HCN1: variants seen among roughly 807,000 people sequenced by gnomAD.
HCN1 encodes the protein potassium/sodium hyperpolarization-activated cyclic nucleotide-gated channel 1.
HCN1 carries 13 observed loss-of-function variants against 78.9 expected under a neutral mutation model. That is an observed-to-expected ratio of 0.16 (90% CI 0.11 to 0.26). The LOEUF (loss-of-function observed/expected upper bound fraction) is 0.26, where lower values mean the gene tolerates loss of function less well. HCN1 is among the 10% of genes least tolerant of loss of function. HCN1 has a pLI of 1.00. For synonymous variants in HCN1, 552 were observed against 455.5 expected (o/e 1.21, Z -2.70); for missense variants, 810 against 1,154.3 (o/e 0.70, Z 4.32).
intron 2 of HCN1, among the ~76,000 whole-genome samples, chr5:45,508,575 A>G (rs1742352881): frequency 6.6e-6 from 1 of 152,134 alleles, no homozygotes; most frequent in Non-Finnish European, 1.5e-5. Flanking sequence ...GACAAAGGGT[A>G]TGTCCTACTT....
chr5:45,659,909 A>G (rs1427513257), intron 1 of HCN1, among the ~76,000 whole-genome samples: 24 of 144,194 alleles, frequency 1.7e-4, no homozygotes, highest in Non-Finnish European at 3.2e-4. Flanking sequence ...AACTTCCCCA[A>G]TCTAGCAAGG....
chr5:45,347,215 C>A (rs946522622), intron 5 of HCN1, among the ~76,000 whole-genome samples: 2 of 152,206 alleles, frequency 1.3e-5, no homozygotes, highest in East Asian at 3.9e-4. Context: ...TCACGAAAAT[C>A]TGCTGTTCTG....
intron 4 of HCN1, among the ~76,000 whole-genome samples, chr5:45,386,302 A>C (rs898147457): frequency 6.6e-6 from 1 of 151,420 alleles, no homozygotes; most frequent in Non-Finnish European, 1.5e-5. Flanking sequence ...CAGACTCCTG[A>C]GTAGCTGGGA....
intron 5 of HCN1, among the ~76,000 whole-genome samples, chr5:45,342,855 G>A (rs1173455893): frequency 1.3e-5 from 2 of 152,044 alleles, no homozygotes; most frequent in Non-Finnish European, 2.9e-5. Flanking sequence ...TAGACGAAAT[G>A]TTCCTTGCAC....
chr5:45,409,341 C>T (rs1739984397), intron 3 of HCN1, among the ~76,000 whole-genome samples: 1 of 151,864 alleles, frequency 6.6e-6, no homozygotes, highest in Non-Finnish European at 1.5e-5. Context: ...ATACATAAAT[C>T]ATGAAAAATT....
intron 1 of HCN1, among the ~76,000 whole-genome samples, chr5:45,659,352 GA>G (rs1186622003): frequency 8.6e-6 from 1 of 116,090 alleles, no homozygotes; most frequent in African/African-American, 3.9e-5. Flanking sequence ...CAAAGATGGG[GA>G]AAAAACAGAA....
intron 6 of HCN1, among the ~76,000 whole-genome samples, chr5:45,279,381 C>A (rs907402083): frequency 6.6e-6 from 1 of 152,026 alleles, no homozygotes; most frequent in Non-Finnish European, 1.5e-5. Flanking sequence ...AAACCGTGTT[C>A]AAAGAAGCCT....
At chr5:45,341,588 G>C (rs1042306930) in intron 5 of HCN1, among the ~76,000 whole-genome samples, 4 of 152,158 alleles carry the variant, frequency 2.6e-5, no homozygotes, top group African/African-American at 7.2e-5. Flanking sequence ...AAGTGGTCCA[G>C]TCAAAGCAAA....
intron 7 of HCN1, among the ~76,000 whole-genome samples, chr5:45,263,355 CA>C (rs368525608): frequency 0.012 from 1,799 of 146,558 alleles, 22 homozygotes; most frequent in African/African-American, 0.035. Context: ...CCCAGGAAAA[CA>C]AAAAAAAAAC....
intron 3 of HCN1, among the ~76,000 whole-genome samples, chr5:45,419,389 A>G (rs1740182890): frequency 6.6e-6 from 1 of 152,188 alleles, no homozygotes; most frequent in South Asian, 2.1e-4. Context: ...TGTGCTAATT[A>G]GAAACCTAAA....
chr5:45,607,116 A>G (rs1300516981), intron 2 of HCN1, among the ~76,000 whole-genome samples: 2 of 151,898 alleles, frequency 1.3e-5, no homozygotes, highest in African/African-American at 2.4e-5. Flanking sequence ...AGGTAAAGAC[A>G]TATTTTGGAA....
intron 2 of HCN1, among the ~76,000 whole-genome samples, chr5:45,641,073 C>T (rs1745446742): frequency 6.6e-6 from 1 of 152,082 alleles, no homozygotes; most frequent in Non-Finnish European, 1.5e-5. Flanking sequence ...ATGTGATAAG[C>T]AATAGGGAGC....
intron 4 of HCN1, among the ~76,000 whole-genome samples, chr5:45,375,259 T>C (rs1747593970): frequency 8.5e-6 from 1 of 117,966 alleles, no homozygotes; most frequent in African/African-American, 3.4e-5. Context: ...CATAATATAA[T>C]ATTTTATAAT....
chr5:45,636,210 C>CGTTCAACT (rs1264380516), intron 2 of HCN1, among the ~76,000 whole-genome samples: 2 of 152,028 alleles, frequency 1.3e-5, no homozygotes, highest in Admixed American at 1.3e-4. Flanking sequence ...TAAAGTGACT[C>CGTTCAACT]GTTCAACTGA....
chr5:45,426,553 C>T (rs2112072632), intron 3 of HCN1, among the ~76,000 whole-genome samples: 1 of 152,258 alleles, frequency 6.6e-6, no homozygotes, highest in African/African-American at 2.4e-5. Context: ...CTTTCTCTTG[C>T]CTGCTGGCAT....
chr5:45,520,667 A>T (rs1298124116), intron 2 of HCN1, among the ~76,000 whole-genome samples: 2 of 152,004 alleles, frequency 1.3e-5, no homozygotes, highest in Non-Finnish European at 2.9e-5. Flanking sequence ...TAAACAAGGC[A>T]GTATATAGCA....
chr5:45,471,659 T>C (rs1404093019), intron 2 of HCN1, among the ~76,000 whole-genome samples: 4 of 151,916 alleles, frequency 2.6e-5, no homozygotes, highest in Non-Finnish European at 4.4e-5. Context: ...TGAACGTTTA[T>C]CTTACAATGT....
chr5:45,628,909 CAG>C (rs1344791298), intron 2 of HCN1, among the ~76,000 whole-genome samples: 1 of 150,506 alleles, frequency 6.6e-6, no homozygotes. Context: ...GAGGAGGTCA[CAG>C]TGAGCTAGGT....
chr5:45,443,950 TA>T (rs1740732982), intron 3 of HCN1, among the ~76,000 whole-genome samples: 1 of 152,132 alleles, frequency 6.6e-6, no homozygotes, highest in Non-Finnish European at 1.5e-5. Context: ...TGATCTGCCA[TA>T]ATGAGTAATA....
Sources: gnomAD v4.1 joint callset for allele counts (sites outside exome capture counted in the v4.1 genomes callset) on GRCh38, gnomAD v4.1.1 for gene constraint, MANE v1.5 for transcripts, NCBI Gene and HGNC (gene_info 2026-07-23, HGNC 2026-07-21) for gene names.